Variants in PCYT1A observed in about 807,000 individuals in gnomAD.
PCYT1A encodes choline-phosphate cytidylyltransferase A.
PCYT1A carries 25 observed loss-of-function variants against 43.7 expected under a neutral mutation model. The ratio of observed to expected loss-of-function variants is 0.57; its 90% CI spans 0.42 to 0.80. The LOEUF (loss-of-function observed/expected upper bound fraction) is 0.80, where lower values mean the gene tolerates loss of function less well. Ranked by LOEUF, PCYT1A falls within the 30% of genes least tolerant of loss-of-function variation. PCYT1A has a pLI of 0.00. For missense variants in PCYT1A, 421 were observed against 474.2 expected, an observed-to-expected ratio of 0.89 and a Z score of 1.04; for synonymous variants, 172 against 170.7, an observed-to-expected ratio of 1.01 and a Z score of -0.06.
At chr3:196,280,113 G>A (rs995409748) in intron 1 of PCYT1A, among the ~76,000 whole-genome samples, 5 of 152,130 alleles carry the variant, frequency 3.3e-5, no homozygotes, top group Non-Finnish European at 5.9e-5. Flanking sequence ...TTACAGGCGT[G>A]AGCCACCGCA....
chr3:196,255,217 G>A (rs1399010737), intron 3 of PCYT1A, among the ~76,000 whole-genome samples: 1 of 152,126 alleles, frequency 6.6e-6, no homozygotes, highest in Non-Finnish European at 1.5e-5. Context: ...AAATTAAGCT[G>A]GCAAATTTAT....
At chr3:196,257,936 C>A in intron 2 of PCYT1A, 49 bp from the exon 3 acceptor site, 4 of 992,110 alleles carry the variant, frequency 4.0e-6, no homozygotes, top group African/African-American at 1.6e-5. Context: ...CAATGGCATA[C>A]ACTGTAATAC....
At chr3:196,251,181 T>C (rs1382655803) in intron 3 of PCYT1A, among the ~76,000 whole-genome samples, 3 of 150,194 alleles carry the variant, frequency 2.0e-5, no homozygotes, top group African/African-American at 7.4e-5. Flanking sequence ...TACACCATGC[T>C]GAGGCTGAGG....
rs1338012953 is a variant in PCYT1A, at chr3:196,237,959, T to C, written c.*729A>G. 1.3e-5 allele frequency: 2 copies of C among 152,200 alleles called. No individual in the cohort carries two copies. The highest frequency in any genetic ancestry group is 2.9e-5 in the Non-Finnish European group (2 of 68,040). 9.4% of individuals were successfully genotyped at this position (152,200 alleles called of 1,614,324 possible). ...TGGGTCACAGAGTTTTCTGAGAAGA[T>C]GAACACAGCAGAAACACTGCAGTTG... On this transcript the variant is annotated 3_prime_UTR_variant, in exon 9 of 9. Coordinates refer to ENST00000431016, the MANE Select transcript of PCYT1A (RefSeq NM_001312673.2).
At chr3:196,261,919 T>C (rs78090985) in intron 2 of PCYT1A, among the ~76,000 whole-genome samples, 267 of 152,326 alleles carry the variant, frequency 1.8e-3, no homozygotes, top group African/African-American at 6.0e-3. Context: ...GGGTTTAGGC[T>C]GAATCCGTTT....
chr3:196,260,600 TG>T (rs1010272060), intron 2 of PCYT1A, among the ~76,000 whole-genome samples: 1 of 152,152 alleles, frequency 6.6e-6, no homozygotes, highest in African/African-American at 2.4e-5. Context: ...CCCAGCACTT[TG>T]GGAGGCCGAG....
intron 1 of PCYT1A, among the ~76,000 whole-genome samples, chr3:196,272,544 C>G (rs955722192): frequency 6.6e-6 from 1 of 152,160 alleles, no homozygotes; most frequent in African/African-American, 2.4e-5. Context: ...GTCTTGAACT[C>G]CTGACCTCAG....
intron 3 of PCYT1A, among the ~76,000 whole-genome samples, chr3:196,253,926 T>G (rs557233500): frequency 6.7e-6 from 1 of 149,784 alleles, no homozygotes; most frequent in East Asian, 1.9e-4. Flanking sequence ...TTAATATAAT[T>G]TTTCCTGTTT....
At position 196,244,613 on chromosome 3, in the gene PCYT1A, C is replaced by T. The variant is rs557178986; in HGVS notation, c.487-1973G>A. On this transcript the variant is annotated intron_variant, in intron 5 of 8. Transcript: ENST00000431016. ...GGTGTACCCAACAGCTCATTGAGAA[C>T]GGGCCATGATGACGATGGCGGTTTT... Among the ~76,000 whole-genome samples the T allele has an allele frequency of 1.8e-3, 281 of 152,284 alleles. 3 individuals are homozygous for T. Among genetic ancestry groups the T allele is most frequent in the African/African-American group, 6.4e-3 (268 of 41,564 alleles).
rs1313864102 is a variant in PCYT1A at position 196,238,657 on chromosome 3, A to G, written c.*31T>C. On this transcript the variant is annotated 3_prime_UTR_variant, in exon 9 of 9. Transcript: ENST00000431016. ...AGAGCTTCTGAAGGTAATGGGACAGAAAGGGAGGACAGGAAAGGAGGGAGG... is the reference window on the plus strand; with the variant it reads ...AGAGCTTCTGAAGGTAATGGGACAGGAAGGGAGGACAGGAAAGGAGGGAGG... 1 of 1,402,772 alleles carries G rather than the reference A, an allele frequency of 7.1e-7. No homozygotes were observed. The highest frequency in any genetic ancestry group is 9.6e-7 in the Non-Finnish European group (1 of 1,044,556). The allele number at this position is 1,402,772 out of a possible 1,614,324, so 86.9% of individuals were successfully genotyped here.
intron 1 of PCYT1A, among the ~76,000 whole-genome samples, chr3:196,272,514 T>C (rs1387807816): frequency 6.6e-6 from 1 of 152,176 alleles, no homozygotes; most frequent in Non-Finnish European, 1.5e-5. Context: ...AGACAGGGTT[T>C]TGTCATGTTG....
intron 3 of PCYT1A, among the ~76,000 whole-genome samples, chr3:196,249,858 C>T (rs138475422): frequency 0.074 from 10,195 of 137,324 alleles, no homozygotes; most frequent in South Asian, 0.11. Flanking sequence ...TATGCTGAGG[C>T]TGAGGACCAG....
chr3:196,241,986 C>T lies in PCYT1A; in HGVS notation c.670G>A (p.Gly224Ser). The change falls in exon 7 of 9, where the codon GGC becomes AGC. Residue 224 changes from glycine (G) to serine (S), a missense_variant. Transcript: ENST00000431016. ...ACATTGAGCTCCTTTGCTGTGTAGC[C>T]CCTCTGCAGGTTCCGCCTCGCATAC... ...DVYARRNLQR[G>S]YTAKELNVSF... 1 of 1,614,110 alleles carries T rather than the reference C, an allele frequency of 6.2e-7. No individual in the cohort carries two copies. Among genetic ancestry groups the T allele is most frequent in the Non-Finnish European group, 8.5e-7 (1 of 1,180,020 alleles).
chr3:196,275,955 G>A (rs1725576838), intron 1 of PCYT1A, among the ~76,000 whole-genome samples: 1 of 151,782 alleles, frequency 6.6e-6, no homozygotes, highest in African/African-American at 2.4e-5. Flanking sequence ...AAATTAGCCA[G>A]GCGTGGTGGC....
Position 196,248,337 on chromosome 3 carries a change from A to G in PCYT1A, c.218-14T>C, listed in dbSNP as rs1724634655. On this transcript the variant is annotated splice_polypyrimidine_tract_variant and intron_variant, in intron 3 of 8. Coordinates refer to ENST00000431016, the MANE Select transcript of PCYT1A (RefSeq NM_001312673.2). ...CAGGTCGCTCACCTAAATCCAAATG[A>G]AAGAATTGATCACAAAAATACCTTT... is the stretch of plus-strand genomic sequence containing the variant. 1 of 1,453,134 alleles carries G rather than the reference A, an allele frequency of 6.9e-7. No individual in the cohort carries two copies. The highest frequency in any genetic ancestry group is 9.6e-7 in the Non-Finnish European group (1 of 1,037,182). 90.0% of individuals were successfully genotyped at this position (1,453,134 alleles called of 1,614,324 possible).
intron 2 of PCYT1A, 39 bp from the exon 3 acceptor site, chr3:196,257,926 C>A: frequency 7.9e-6 from 9 of 1,143,426 alleles, no homozygotes; most frequent in African/African-American, 1.5e-5. Context: ...AAGTTCAACT[C>A]AATGGCATAC....
intron 1 of PCYT1A, among the ~76,000 whole-genome samples, chr3:196,284,263 A>G (rs1725845227): frequency 6.6e-6 from 1 of 152,200 alleles, no homozygotes; most frequent in African/African-American, 2.4e-5. Flanking sequence ...GCATTTCAAA[A>G]ACTAATTCTC....
At chr3:196,241,800 G>C in intron 7 of PCYT1A, 148 bp downstream of exon 7, 1 of 1,204,032 alleles carries the variant, frequency 8.3e-7, no homozygotes, top group South Asian at 1.3e-5. Context: ...CATTCTTTTT[G>C]TGAACAGTTA....
chr3:196,257,374 C>T (rs1724982044), intron 3 of PCYT1A, among the ~76,000 whole-genome samples: 1 of 152,068 alleles, frequency 6.6e-6, no homozygotes, highest in African/African-American at 2.4e-5. Flanking sequence ...TATTTTTGTC[C>T]TCTATCAATC....
Sources: allele counts gnomAD v4.1 joint callset (sites outside exome capture counted in the v4.1 genomes callset), GRCh38; gene constraint gnomAD v4.1.1; transcripts MANE v1.5; gene names NCBI Gene and HGNC (gene_info 2026-07-23, HGNC 2026-07-21).